The following LINGO2 variants were observed in gnomAD, a reference collection of about 807,000 sequenced individuals.
LINGO2 encodes leucine rich repeat and Ig domain containing 2.
A neutral mutation model predicts 30.6 loss-of-function variants in LINGO2; 14 were observed. That is an observed-to-expected ratio of 0.46 (90% CI 0.30 to 0.72). The LOEUF is 0.72. Ranked by LOEUF, LINGO2 falls within the 30% of genes least tolerant of loss-of-function variation. LINGO2 has a pLI of 0.07. For missense variants in LINGO2, 729 were observed against 751.7 expected (o/e 0.97, Z 0.35); for synonymous variants, 317 against 288.5 (o/e 1.10, Z -1.00).
chr9:29,008,467 G>A, the LINGO2 span, among the ~76,000 whole-genome samples: 831 of 152,244 alleles, frequency 5.5e-3, 9 homozygotes, highest in African/African-American at 0.019. Context: ...GGGTCAAATG[G>A]TATTTCCAGT....
chr9:28,099,162 C>T (rs935693675), intron 4 of LINGO2, among the ~76,000 whole-genome samples: 2 of 152,088 alleles, frequency 1.3e-5, no homozygotes, highest in African/African-American at 4.8e-5. Context: ...AGGTTCCTTA[C>T]AGGTGATTTT....
chr9:28,673,944 T>C (rs958873091), upstream of LINGO2, among the ~76,000 whole-genome samples: 7 of 150,738 alleles, frequency 4.6e-5, no homozygotes, highest in African/African-American at 1.5e-4. Context: ...CCCCAAACCA[T>C]GTGTAAAAGA....
chr9:28,509,678 G>A (rs1246568019), intron 1 of LINGO2, among the ~76,000 whole-genome samples: 1 of 152,140 alleles, frequency 6.6e-6, no homozygotes, highest in Non-Finnish European at 1.5e-5. Context: ...GTCCTCATAA[G>A]AGAAGAGAGA....
intron 2 of LINGO2, among the ~76,000 whole-genome samples, chr9:28,376,175 T>C (rs1184311153): frequency 6.6e-6 from 1 of 151,952 alleles, no homozygotes; most frequent in Non-Finnish European, 1.5e-5. Flanking sequence ...AGTAATAGTC[T>C]GTGTTACCCC....
intron 4 of LINGO2, among the ~76,000 whole-genome samples, chr9:28,263,801 T>C (rs1284027672): frequency 6.6e-6 from 1 of 152,002 alleles, no homozygotes; most frequent in Non-Finnish European, 1.5e-5. Flanking sequence ...CAATTCTTAA[T>C]GAACAGATTA....
chr9:28,624,519 C>T (rs1048197144), intron 1 of LINGO2, among the ~76,000 whole-genome samples: 7 of 151,866 alleles, frequency 4.6e-5, no homozygotes, highest in Non-Finnish European at 8.8e-5. Flanking sequence ...GAGTAAATCC[C>T]ACTTGGTCAT....
the LINGO2 span, among the ~76,000 whole-genome samples, chr9:29,063,406 CTTTTT>C: frequency 7.0e-6 from 1 of 142,754 alleles, no homozygotes; most frequent in African/African-American, 2.6e-5. Flanking sequence ...CTATTTACAC[CTTTTT>C]TTTTTTTTTT....
chr9:28,820,837 A>G, the LINGO2 span, among the ~76,000 whole-genome samples: 1 of 152,216 alleles, frequency 6.6e-6, no homozygotes, highest in Non-Finnish European at 1.5e-5. Context: ...ATTTGCTTCG[A>G]AAATAGCAGC....
At chr9:28,811,116 C>A in the LINGO2 span, among the ~76,000 whole-genome samples, 8 of 152,284 alleles carry the variant, frequency 5.3e-5, no homozygotes, top group South Asian at 6.2e-4. Context: ...CTGTATCAGT[C>A]TTCCTCATTT....
intron 4 of LINGO2, among the ~76,000 whole-genome samples, chr9:28,274,911 T>C (rs1823062483): frequency 6.6e-6 from 1 of 152,156 alleles, no homozygotes; most frequent in Admixed American, 6.5e-5. Context: ...CTAAAACTAA[T>C]TAAGTTAGGT....
chr9:29,114,107 C>G, the LINGO2 span, among the ~76,000 whole-genome samples: 1 of 149,626 alleles, frequency 6.7e-6, no homozygotes, highest in South Asian at 2.1e-4. Flanking sequence ...TTGGCTTTTT[C>G]TGACTTTTTT....
intron 3 of LINGO2, among the ~76,000 whole-genome samples, chr9:28,306,184 A>C (rs1328944566): frequency 1.3e-5 from 2 of 152,166 alleles, no homozygotes; most frequent in African/African-American, 4.8e-5. Flanking sequence ...GACTATGAGC[A>C]ATACTTGAAC....
chr9:28,971,991 A>T, the LINGO2 span, among the ~76,000 whole-genome samples: 4 of 152,212 alleles, frequency 2.6e-5, no homozygotes, highest in Non-Finnish European at 5.9e-5. Flanking sequence ...GGAAGAGAAC[A>T]AGAGTCTCTA....
chr9:28,727,059 C>T, the LINGO2 span, among the ~76,000 whole-genome samples: 7 of 152,110 alleles, frequency 4.6e-5, no homozygotes, highest in Non-Finnish European at 7.4e-5. Context: ...TCCTGCTAGA[C>T]CCCTGACTAA....
At chr9:28,935,097 C>T in the LINGO2 span, among the ~76,000 whole-genome samples, 1 of 151,218 alleles carries the variant, frequency 6.6e-6, no homozygotes, top group Admixed American at 6.6e-5. Flanking sequence ...CAAGATTAAT[C>T]ACAAAAAATA....
intron 1 of LINGO2, among the ~76,000 whole-genome samples, chr9:28,632,757 T>G (rs1827031784): frequency 7.2e-6 from 1 of 138,434 alleles, no homozygotes; most frequent in Non-Finnish European, 1.5e-5. Context: ...TAGATCTATA[T>G]ATATAGATTT....
At chr9:27,989,451 G>C (rs565994636) in intron 5 of LINGO2, among the ~76,000 whole-genome samples, 2,222 of 64,044 alleles carry the variant, frequency 0.035, 52 homozygotes, top group Admixed American at 0.14. Context: ...CTCTCTGTGT[G>C]TGTGTGTGTG....
At chr9:28,259,929 C>T (rs1026912921) in intron 4 of LINGO2, among the ~76,000 whole-genome samples, 7 of 151,842 alleles carry the variant, frequency 4.6e-5, no homozygotes, top group African/African-American at 1.2e-4. Context: ...ACTAACATCT[C>T]ATAGATTGAC....
the LINGO2 span, among the ~76,000 whole-genome samples, chr9:28,882,863 T>A: frequency 6.6e-6 from 1 of 152,322 alleles, no homozygotes; most frequent in Non-Finnish European, 1.5e-5. Context: ...TTCTGTAGTT[T>A]TTAAATCTTC....
Sources: allele counts gnomAD v4.1 joint callset (sites outside exome capture counted in the v4.1 genomes callset), GRCh38; gene constraint gnomAD v4.1.1; transcripts MANE v1.5; gene names NCBI Gene and HGNC (gene_info 2026-07-23, HGNC 2026-07-21).